Variants in MAMSTR observed in about 807,000 individuals in gnomAD.
The protein encoded by MAMSTR is MEF2 activating motif and SAP domain containing transcriptional regulator.
Under a neutral mutation model 42.7 loss-of-function variants are expected in MAMSTR, and 41 were observed. The observed-to-expected ratio is 0.96, with a 90% CI of 0.75 to 1.25. MAMSTR has a LOEUF of 1.25. Among genes scored for constraint, MAMSTR ranks in the 50% most tolerant of loss-of-function variants. The pLI is 0.00. For synonymous variants in MAMSTR, 265 were observed against 244.1 expected, an observed-to-expected ratio of 1.09 and a Z score of -0.80; for missense variants, 567 against 557.6, an observed-to-expected ratio of 1.02 and a Z score of -0.17.
At chr19:48,708,251 A>AG (rs71179034), downstream of MAMSTR, among the ~76,000 whole-genome samples, 4 of 137,678 alleles carry the variant, frequency 2.9e-5, no homozygotes, top group Non-Finnish European at 6.5e-5. Flanking sequence ...AAAAAAAAAA[A>AG]AAGAAGAAGA....
At chr19:48,707,381 A>C in the MAMSTR span, among the ~76,000 whole-genome samples, 1 of 150,492 alleles carries the variant, frequency 6.6e-6, no homozygotes, top group South Asian at 2.1e-4. Flanking sequence ...GTGCCACTGC[A>C]CTCCAGCCTG....
In MAMSTR at chr19:48,713,978, G is replaced by A; in HGVS notation, c.791C>T (p.Pro264Leu). Residue 264 changes from proline (P) to leucine (L), a missense_variant, in exon 8 of 10, where the codon CCG (proline) becomes CTG (leucine). Pro to Leu is a moderately conservative substitution (Grantham distance 98, BLOSUM62 -3). Transcript: ENST00000318083. ...PRAADTPGTA[P>L]APTPTPAPAA... ...AGGAGCCGGAGTGGGAGTTGGAGCC[G>A]GAGCCGTCCCCGGGGTATCCGCGGC... 1 of 1,612,992 alleles carries A rather than the reference G, an allele frequency of 6.2e-7. No individual in the cohort carries two copies. The highest frequency in any genetic ancestry group is 8.5e-7 in the Non-Finnish European group (1 of 1,179,670).
At chr19:48,709,395 G>A (rs368717003), downstream of MAMSTR, among the ~76,000 whole-genome samples, 76 of 152,220 alleles carry the variant, frequency 5.0e-4, no homozygotes, top group African/African-American at 6.7e-4. Context: ...TGATCCGCCC[G>A]CCTCGGCCTC....
At chr19:48,710,183 G>GTGGC, downstream of MAMSTR, among the ~76,000 whole-genome samples, 1 of 148,986 alleles carries the variant, frequency 6.7e-6, no homozygotes, top group Non-Finnish European at 1.5e-5. Context: ...CTGGAGTGCA[G>GTGGC]GCATGATCTC....
chr19:48,710,274 AT>A (rs55986068), downstream of MAMSTR, among the ~76,000 whole-genome samples: 64 of 143,034 alleles, frequency 4.5e-4, no homozygotes, highest in East Asian at 8.8e-4. Context: ...CTGGCTAATT[AT>A]TTTTTTTTTT....
chr19:48,718,938 T>TA, intron 2 of MAMSTR, 36 bp downstream of exon 2: 1 of 1,488,978 alleles, frequency 6.7e-7, no homozygotes, highest in Non-Finnish European at 9.2e-7. Context: ...ATTCTCAGGA[T>TA]CCCATCCCCC....
Position 48,714,915 on chromosome 19 carries a change from A to G in MAMSTR, c.426-7T>C. 6.3e-7 allele frequency: 1 copy of G among 1,582,120 alleles called. No individual in the cohort carries two copies. Among genetic ancestry groups the G allele is most frequent in the South Asian group, 1.1e-5 (1 of 89,446 alleles). Reference sequence around the variant, plus strand: ...GAGGGGAGAGGGCTTCATCCTGGTGATAATCGTGAGGGGCGAACAAAGGTT... The same window carrying G: ...GAGGGGAGAGGGCTTCATCCTGGTGGTAATCGTGAGGGGCGAACAAAGGTT... On this transcript the variant is annotated splice_polypyrimidine_tract_variant and splice_region_variant and intron_variant, in intron 5 of 9. Coordinates refer to ENST00000318083, the MANE Select transcript of MAMSTR (RefSeq NM_001130915.2).
chr19:48,710,403 C>A (rs2032704596), downstream of MAMSTR, among the ~76,000 whole-genome samples: 2 of 146,364 alleles, frequency 1.4e-5, no homozygotes, highest in African/African-American at 5.1e-5. Context: ...GCGTGAATCA[C>A]TGGGCCCAAT....
chr19:48,712,940 A>G lies in MAMSTR; in HGVS notation c.*327T>C, dbSNP rs776460279. ...GCATAACCACCTTCCAGGCTCCCCA[A>G]ACAACAGGGAGCCATCTACCGGGGT... On this transcript the variant is annotated 3_prime_UTR_variant, in exon 10 of 10. Transcript: ENST00000318083. 1 of 237,998 alleles carries G rather than the reference A, an allele frequency of 4.2e-6. No individual in the cohort carries two copies. Among genetic ancestry groups the G allele is most frequent in the Non-Finnish European group, 8.0e-6 (1 of 124,744 alleles). 14.7% of individuals were successfully genotyped at this position (237,998 alleles called of 1,614,324 possible).
intron 2 of MAMSTR, 168 bp from the exon 3 acceptor site, chr19:48,716,911 C>G: frequency 8.3e-7 from 1 of 1,208,690 alleles, no homozygotes; most frequent in Non-Finnish European, 1.0e-6. Flanking sequence ...TTCCTCGGGC[C>G]TCCCGCCTGC....
intron 3 of MAMSTR, 94 bp from the exon 4 acceptor site, chr19:48,715,861 G>A (rs1447211651): frequency 6.1e-6 from 9 of 1,481,946 alleles, no homozygotes; most frequent in East Asian, 5.5e-5. Context: ...CCAGGGTGCC[G>A]GAGGGCAGGC....
chr19:48,707,879 G>GAAAGAAAGAAAGAAAA (rs2032673175), downstream of MAMSTR, among the ~76,000 whole-genome samples: 1 of 109,480 alleles, frequency 9.1e-6, no homozygotes. Context: ...AAGAAAGAAA[G>GAAAGAAAGAAAGAAAA]AAAGAAAGAA....
chr19:48,707,865 AAG>A (rs2032671020), downstream of MAMSTR, among the ~76,000 whole-genome samples: 1 of 112,652 alleles, frequency 8.9e-6, no homozygotes, highest in Non-Finnish European at 2.0e-5. Context: ...GAAAGAAAGA[AAG>A]AAAGAAAGAA....
intron 3 of MAMSTR, 160 bp from the exon 4 acceptor site, chr19:48,715,927 G>T (rs1016747930): frequency 1.4e-6 from 2 of 1,421,372 alleles, no homozygotes; most frequent in Non-Finnish European, 1.8e-6. Context: ...TCTGAGGGCG[G>T]AGGTGTGGGG....
At position 48,715,435 on chromosome 19, in the gene MAMSTR, C is replaced by T. The variant is rs1451153317; in HGVS notation, c.252G>A (p.Lys84=). The T allele has an allele frequency of 2.8e-5, 42 of 1,494,928 alleles. No individual in the cohort carries two copies. Among genetic ancestry groups the T allele is most frequent in the Non-Finnish European group, 3.4e-5 (38 of 1,127,384 alleles). The allele number at this position is 1,494,928 out of a possible 1,614,324, so 92.6% of individuals were successfully genotyped here. A position where few individuals can be genotyped will look rare whatever the true frequency, so the allele number is the denominator to read the frequency against. The change falls in exon 5 of 10, where the codon AAG becomes AAA. Residue 84 remains lysine (K), a synonymous_variant. Coordinates refer to ENST00000318083, the MANE Select transcript of MAMSTR (RefSeq NM_001130915.2). Reference sequence around the variant, plus strand: ...TGGACTCCCTCCAACGTTGGGAGATCTTGGGAGACTCCTGAAAGAGCAGGT... The same window carrying T: ...TGGACTCCCTCCAACGTTGGGAGATTTTGGGAGACTCCTGAAAGAGCAGGT... ...PWRSPKKESP[K]ISQRWRESKP... is the part of the protein sequence containing the mutation.
Position 48,713,886 on chromosome 19 carries a change from G to C in MAMSTR, c.883C>G (p.Leu295Val). The change falls in exon 8 of 10, where the codon CTG becomes GTG. Residue 295 changes from leucine to valine, a missense_variant. By Grantham distance (32) the Leu-to-Val change is conservative (BLOSUM62 1). Transcript: ENST00000318083. The part of the protein sequence containing the change: ...GSAALTLEEE[L>V]QEAIRRAQLL... ...TGCGCCCTCCGGATCGCTTCCTGCA[G>C]CTCCTCCTCCAGAGTCAGAGCCGCT... 1 of 1,612,256 alleles carries C rather than the reference G, an allele frequency of 6.2e-7. No individual in the cohort carries two copies. Among genetic ancestry groups the C allele is most frequent in the Non-Finnish European group, 8.5e-7 (1 of 1,178,690 alleles).
Position 48,714,431 on chromosome 19 carries a change from G to A in MAMSTR, c.658C>T (p.Pro220Ser), listed in dbSNP as rs773294292. Reference sequence around the variant, plus strand: ...AGGCGCGGCCAGGGAGCACCCGCGGGACTGTCCTCGCGCCGCGGCTTCGGC... The same window carrying A: ...AGGCGCGGCCAGGGAGCACCCGCGGAACTGTCCTCGCGCCGCGGCTTCGGC... The part of the protein sequence containing the change: ...ERPKPRREDS[P>S]AGAPWPRLKP... The change falls in exon 7 of 10, where the codon CCC becomes TCC. Residue 220 changes from proline (P) to serine (S), a missense_variant. Transcript: ENST00000318083. The A allele has an allele frequency of 2.2e-6, 3 of 1,385,836 alleles. No homozygotes were observed. In the African/African-American group the frequency reaches 4.6e-5, roughly 21 times the overall value. 85.8% of individuals were successfully genotyped at this position (1,385,836 alleles called of 1,614,324 possible).
chr19:48,717,137 T>G (rs2033075854), intron 2 of MAMSTR: 3 of 218,824 alleles, frequency 1.4e-5, no homozygotes, highest in Non-Finnish European at 2.4e-5. Flanking sequence ...CTGTGCTATC[T>G]CGGGGCCTTC....
the MAMSTR span, among the ~76,000 whole-genome samples, chr19:48,706,947 C>A: frequency 2.0e-5 from 3 of 151,842 alleles, no homozygotes; most frequent in Non-Finnish European, 4.4e-5. Context: ...AAATAAAAAA[C>A]TAACTGGGTA....
Sources: gnomAD v4.1 joint callset for allele counts (sites outside exome capture counted in the v4.1 genomes callset) on GRCh38, gnomAD v4.1.1 for gene constraint, MANE v1.5 for transcripts, NCBI Gene and HGNC (gene_info 2026-07-23, HGNC 2026-07-21) for gene names.